The following CDC14A variants were observed in gnomAD, a reference collection of about 807,000 sequenced individuals.
CDC14A encodes the protein dual specificity protein phosphatase CDC14A.
Under a neutral mutation model 74.4 loss-of-function variants are expected in CDC14A, and 53 were observed. That is an observed-to-expected ratio of 0.71 (90% CI 0.57 to 0.89). The LOEUF is 0.89. Among genes scored for constraint, CDC14A ranks in the 40% least tolerant of loss-of-function variants. CDC14A has a pLI of 0.00. For synonymous variants in CDC14A, 247 were observed against 258.4 expected, an observed-to-expected ratio of 0.96 and a Z score of 0.43; for missense variants, 646 against 713.7, an observed-to-expected ratio of 0.91 and a Z score of 1.08.
At chr1:100,491,546 CTCTATATATA>C (rs1193121937) in intron 11 of CDC14A, among the ~76,000 whole-genome samples, 7 of 39,928 alleles carry the variant, frequency 1.8e-4, no homozygotes, top group African/African-American at 4.5e-4. Flanking sequence ...CTCTCTCTCT[CTCTATATATA>C]TATATATATA....
intron 9 of CDC14A, among the ~76,000 whole-genome samples, chr1:100,464,137 A>G (rs1167139118): frequency 1.3e-5 from 2 of 152,236 alleles, no homozygotes; most frequent in South Asian, 4.1e-4. Context: ...CATGTGAGCA[A>G]AAATGGGAAG....
intron 3 of CDC14A, among the ~76,000 whole-genome samples, chr1:100,378,692 G>A (rs554881039): frequency 6.6e-6 from 1 of 152,222 alleles, no homozygotes; most frequent in East Asian, 1.9e-4. Context: ...TATTAGGTTG[G>A]TGCAAAAGCA....
chr1:100,420,063 C>CTATATATATATATATATAT (rs1553180531), intron 4 of CDC14A, among the ~76,000 whole-genome samples: 2 of 61,566 alleles, frequency 3.2e-5, no homozygotes, highest in Admixed American at 2.3e-4. Context: ...CACACACACA[C>CTATATATATATATATATAT]ATATATATAT....
At chr1:100,506,124 G>A (rs1649216679) in intron 15 of CDC14A, among the ~76,000 whole-genome samples, 1 of 151,970 alleles carries the variant, frequency 6.6e-6, no homozygotes, top group Non-Finnish European at 1.5e-5. Flanking sequence ...CATTTCAACA[G>A]GACATTTGGA....
At chr1:100,413,607 A>C (rs1270111853) in intron 4 of CDC14A, among the ~76,000 whole-genome samples, 1 of 152,208 alleles carries the variant, frequency 6.6e-6, no homozygotes. Flanking sequence ...TGCCATAAGT[A>C]CATGGGAAGC....
chr1:100,442,533 A>C (rs1021836947), intron 6 of CDC14A, among the ~76,000 whole-genome samples: 1 of 151,542 alleles, frequency 6.6e-6, no homozygotes, highest in African/African-American at 2.4e-5. Flanking sequence ...ACAAAAACTC[A>C]TAAGAATAAT....
chr1:100,405,889 A>G (rs1659876795), intron 4 of CDC14A, among the ~76,000 whole-genome samples: 3 of 152,336 alleles, frequency 2.0e-5, no homozygotes, highest in South Asian at 4.1e-4. Flanking sequence ...CTTTGGGTAT[A>G]TACCCAGTAA....
intron 8 of CDC14A, among the ~76,000 whole-genome samples, chr1:100,456,481 G>A (rs1051218081): frequency 7.5e-5 from 11 of 146,964 alleles, no homozygotes; most frequent in African/African-American, 2.3e-4. Flanking sequence ...CCAGTGTTCT[G>A]AGGGAACCTA....
chr1:100,400,948 A>T (rs1659179046), intron 4 of CDC14A, among the ~76,000 whole-genome samples: 1 of 152,178 alleles, frequency 6.6e-6, no homozygotes, highest in Non-Finnish European at 1.5e-5. Context: ...TTATATACAC[A>T]TACACAGCTG....
chr1:100,437,049 G>C (rs1664423292), intron 5 of CDC14A, among the ~76,000 whole-genome samples: 1 of 152,162 alleles, frequency 6.6e-6, no homozygotes, highest in African/African-American at 2.4e-5. Context: ...AGCTGGGCAT[G>C]GTGGCTTGTG....
At chr1:100,434,929 C>A (rs1571183692) in intron 5 of CDC14A, among the ~76,000 whole-genome samples, 1 of 152,290 alleles carries the variant, frequency 6.6e-6, no homozygotes, top group South Asian at 2.1e-4. Flanking sequence ...ATGTCTAGGG[C>A]AGTGATTCTC....
At chr1:100,497,241 GA>G (rs1647977893) in intron 13 of CDC14A, among the ~76,000 whole-genome samples, 1 of 152,208 alleles carries the variant, frequency 6.6e-6, no homozygotes, top group Non-Finnish European at 1.5e-5. Flanking sequence ...AATGGACATG[GA>G]AGATAAGAGG....
rs552546980 is a variant in CDC14A at position 100,385,370 on chromosome 1, G to T, written c.217-5362G>T. On this transcript the variant is annotated intron_variant, in intron 3 of 15. Coordinates refer to ENST00000336454, the MANE Select transcript of CDC14A (RefSeq NM_003672.4). The stretch of plus-strand genomic sequence containing the variant: ...ACTGAATCAGAAATTCTGGAGGTGA[G>T]ACCCAGCAATCTGTGTTTTAATAAG... Among the ~76,000 whole-genome samples, 12 of 152,304 alleles carry T rather than the reference G, an allele frequency of 7.9e-5. 1 individual carries two copies. The South Asian group carries it at 2.5e-3, about 32-fold the overall frequency.
chr1:100,510,101 C>T (rs28364909), intron 15 of CDC14A, among the ~76,000 whole-genome samples: 5 of 152,100 alleles, frequency 3.3e-5, no homozygotes, highest in South Asian at 2.1e-4. Context: ...ATACTCATAT[C>T]GTTTTGTCCT....
At chr1:100,410,520 A>G (rs1437121555) in intron 4 of CDC14A, among the ~76,000 whole-genome samples, 2 of 152,102 alleles carry the variant, frequency 1.3e-5, no homozygotes, top group Admixed American at 6.5e-5. Context: ...GGGTTTCACC[A>G]TGTTGGCCAG....
intron 2 of CDC14A, among the ~76,000 whole-genome samples, chr1:100,367,511 T>G (rs1169184121): frequency 6.6e-6 from 1 of 152,168 alleles, no homozygotes; most frequent in East Asian, 1.9e-4. Flanking sequence ...TAAAAATATA[T>G]TTATTAATAG....
intron 5 of CDC14A, among the ~76,000 whole-genome samples, chr1:100,431,209 A>G (rs2101099395): frequency 6.6e-6 from 1 of 152,282 alleles, no homozygotes; most frequent in East Asian, 1.9e-4. Flanking sequence ...AAGAACTCAC[A>G]TGGAGGTGAG....
intron 3 of CDC14A, among the ~76,000 whole-genome samples, chr1:100,389,607 C>T (rs1401103178): frequency 4.6e-5 from 7 of 151,732 alleles, no homozygotes; most frequent in East Asian, 3.9e-4. Context: ...CATCTTAGAA[C>T]GGGCTTCAGA....
chr1:100,443,238 AC>A, intron 7 of CDC14A: 1 of 316,234 alleles, frequency 3.2e-6, no homozygotes, highest in Non-Finnish European at 5.7e-6. Context: ...ATCACTTTGC[AC>A]CTTTAGTTTA....
Sources: allele counts gnomAD v4.1 joint callset (sites outside exome capture counted in the v4.1 genomes callset), GRCh38; gene constraint gnomAD v4.1.1; transcripts MANE v1.5; gene names NCBI Gene and HGNC (gene_info 2026-07-23, HGNC 2026-07-21).